FOXO1: variants seen among roughly 807,000 people sequenced by gnomAD.
FOXO1 encodes the protein forkhead box protein O1.
FOXO1 carries 6 observed loss-of-function variants against 44.1 expected under a neutral mutation model. That is an observed-to-expected ratio of 0.14 (90% CI 0.07 to 0.27). The LOEUF (loss-of-function observed/expected upper bound fraction) is 0.27, where lower values mean the gene tolerates loss of function less well. Ranked by LOEUF, FOXO1 falls within the 10% of genes least tolerant of loss-of-function variation. The pLI, the probability that FOXO1 is intolerant of heterozygous loss-of-function variation, is 1.00. For synonymous variants in FOXO1, 380 were observed against 362.7 expected, an observed-to-expected ratio of 1.05 and a Z score of -0.54; for missense variants, 737 against 888.8, an observed-to-expected ratio of 0.83 and a Z score of 2.17.
intron 1 of FOXO1, among the ~76,000 whole-genome samples, chr13:40,616,280 GA>G (rs1035749617): frequency 3.3e-4 from 49 of 149,200 alleles, no homozygotes; most frequent in Admixed American, 1.2e-3. Context: ...CTTTTTAAAT[GA>G]AAAAAAAAAT....
At chr13:40,660,118 A>T (rs747765669) in intron 1 of FOXO1, among the ~76,000 whole-genome samples, 3 of 152,200 alleles carry the variant, frequency 2.0e-5, no homozygotes, top group Non-Finnish European at 4.4e-5. Context: ...GAAGCATCAG[A>T]ATTCTTTATG....
chr13:40,625,166 T>C (rs1054332974), intron 1 of FOXO1, among the ~76,000 whole-genome samples: 1 of 152,198 alleles, frequency 6.6e-6, no homozygotes, highest in African/African-American at 2.4e-5. Context: ...ATTATGTTAA[T>C]CTGGATTCAA....
chr13:40,562,318 C>G (rs573881549), intron 1 of FOXO1, among the ~76,000 whole-genome samples: 1 of 152,308 alleles, frequency 6.6e-6, no homozygotes, highest in East Asian at 1.9e-4. Context: ...AGCTTCATAA[C>G]TAATCATGCC....
At chr13:40,655,961 C>T (rs149113170) in intron 1 of FOXO1, among the ~76,000 whole-genome samples, 1,945 of 152,262 alleles carry the variant, frequency 0.013, 51 homozygotes, top group African/African-American at 0.043. Context: ...CTTGCCATTT[C>T]TAAATGGCTG....
chr13:40,629,286 G>A (rs1299558658), intron 1 of FOXO1, among the ~76,000 whole-genome samples: 2 of 152,154 alleles, frequency 1.3e-5, no homozygotes, highest in East Asian at 3.9e-4. Context: ...GGGATTACAG[G>A]CATGCGCCAC....
chr13:40,600,502 C>T (rs1458655607), intron 1 of FOXO1, among the ~76,000 whole-genome samples: 1 of 152,054 alleles, frequency 6.6e-6, no homozygotes, highest in Non-Finnish European at 1.5e-5. Context: ...GCCAATTAGG[C>T]ATCCAAAATT....
At chr13:40,582,669 A>T in intron 1 of FOXO1, among the ~76,000 whole-genome samples, 1 of 152,228 alleles carries the variant, frequency 6.6e-6, no homozygotes, top group East Asian at 1.9e-4. Context: ...GCAAGTCCTC[A>T]TGAGTTCAAG....
At chr13:40,598,249 A>G (rs1440393705) in intron 1 of FOXO1, among the ~76,000 whole-genome samples, 1 of 152,168 alleles carries the variant, frequency 6.6e-6, no homozygotes, top group African/African-American at 2.4e-5. Context: ...CAGGGTAGCA[A>G]CTTTGTCAAG....
intron 1 of FOXO1, among the ~76,000 whole-genome samples, chr13:40,580,980 T>C (rs1444906145): frequency 6.6e-6 from 1 of 152,220 alleles, no homozygotes; most frequent in East Asian, 1.9e-4. Flanking sequence ...TAGCTAGATG[T>C]GGGCCTTCTT....
At chr13:40,575,205 G>T (rs148027699) in intron 1 of FOXO1, among the ~76,000 whole-genome samples, 2 of 151,950 alleles carry the variant, frequency 1.3e-5, no homozygotes, top group African/African-American at 2.4e-5. Context: ...GTTAGGTGTG[G>T]TGTTGCACAT....
Position 40,578,880 on chromosome 13 carries a change from G to A in FOXO1, c.631-18020C>T, listed in dbSNP as rs9577072. On this transcript the variant is annotated intron_variant, in intron 1 of 2. Coordinates refer to ENST00000379561, the MANE Select transcript of FOXO1 (RefSeq NM_002015.4). ...TGCATGCACATGCACACCCCTCCAC[G>A]CACATACACATTTCTTTGCCCGCGC... 1.1e-3 allele frequency among the ~76,000 whole-genome samples: 172 copies of A among 152,202 alleles called. 4 individuals carry two copies. In the East Asian group the frequency reaches 0.019, roughly 17 times the overall value.
intron 1 of FOXO1, among the ~76,000 whole-genome samples, chr13:40,599,978 G>A (rs1373099864): frequency 1.3e-5 from 2 of 152,164 alleles, no homozygotes; most frequent in Non-Finnish European, 2.9e-5. Flanking sequence ...TGATGAAATG[G>A]TTCCAGCCAA....
chr13:40,665,244 G>T (rs1566089223), intron 1 of FOXO1, among the ~76,000 whole-genome samples: 1 of 152,126 alleles, frequency 6.6e-6, no homozygotes. Context: ...CAGTCGGCGC[G>T]GGCCGGGGGT....
At chr13:40,591,284 TGA>T in intron 1 of FOXO1, among the ~76,000 whole-genome samples, 1 of 152,184 alleles carries the variant, frequency 6.6e-6, no homozygotes, top group Non-Finnish European at 1.5e-5. Flanking sequence ...GCAGCAGTGT[TGA>T]GTTTCCTAGC....
intron 1 of FOXO1, among the ~76,000 whole-genome samples, chr13:40,625,311 C>CT (rs1157873403): frequency 6.6e-6 from 1 of 152,200 alleles, no homozygotes; most frequent in African/African-American, 2.4e-5. Flanking sequence ...TCCAAAAACT[C>CT]TAACTCAAGG....
intron 1 of FOXO1, among the ~76,000 whole-genome samples, chr13:40,563,274 C>A (rs1874115514): frequency 6.6e-6 from 1 of 152,192 alleles, no homozygotes; most frequent in South Asian, 2.1e-4. Context: ...GGCTCCAACA[C>A]AAACTGGGAG....
chr13:40,572,006 A>C (rs79197349), intron 1 of FOXO1, among the ~76,000 whole-genome samples: 1 of 152,240 alleles, frequency 6.6e-6, no homozygotes, highest in Non-Finnish European at 1.5e-5. Context: ...TTAAAGGACT[A>C]AAGTGAATTT....
rs564246046 is a variant in FOXO1, at chr13:40,657,768, G to C, written c.630+7815C>G. Among the ~76,000 whole-genome samples the C allele has an allele frequency of 1.1e-4, 16 of 152,046 alleles. 1 individual carries two copies. The highest frequency in any genetic ancestry group is 4.4e-5 in the Non-Finnish European group (3 of 68,016). On this transcript the variant is annotated intron_variant, in intron 1 of 2. Coordinates refer to ENST00000379561, the MANE Select transcript of FOXO1 (RefSeq NM_002015.4). ...AGTCTTCCTACTGGATCTATGTTTT[G>C]AGTCATTGCTACCACTCAAAAACAC...
chr13:40,574,667 A>C (rs908845968), intron 1 of FOXO1, among the ~76,000 whole-genome samples: 2 of 152,192 alleles, frequency 1.3e-5, no homozygotes, highest in Non-Finnish European at 2.9e-5. Flanking sequence ...ACCAACATGT[A>C]GTCTCTGGTA....
Sources: gnomAD v4.1 joint callset for allele counts (sites outside exome capture counted in the v4.1 genomes callset) on GRCh38, gnomAD v4.1.1 for gene constraint, MANE v1.5 for transcripts, NCBI Gene and HGNC (gene_info 2026-07-23, HGNC 2026-07-21) for gene names.